TNIP2: variants seen among roughly 807,000 people sequenced by gnomAD.
The protein encoded by TNIP2 is TNFAIP3-interacting protein 2.
TNIP2 carries 30 observed loss-of-function variants against 43.7 expected under a neutral mutation model. The ratio of observed to expected loss-of-function variants is 0.69; its 90% CI spans 0.51 to 0.93. The LOEUF is 0.93. TNIP2 is among the 40% of genes least tolerant of loss of function. The pLI, the probability that TNIP2 is intolerant of heterozygous loss-of-function variation, is 0.00. For synonymous variants in TNIP2, 260 were observed against 254.6 expected (o/e 1.02, Z -0.20); for missense variants, 599 against 591.0 (o/e 1.01, Z -0.14).
chr4:2,747,074 G>A (rs563807472), intron 2 of TNIP2, among the ~76,000 whole-genome samples: 3 of 152,236 alleles, frequency 2.0e-5, no homozygotes, highest in Non-Finnish European at 4.4e-5. Context: ...TGATGAGGAG[G>A]CTGTGGCCCT....
intron 1 of TNIP2, among the ~76,000 whole-genome samples, chr4:2,755,311 A>C (rs1031107125): frequency 3.3e-5 from 5 of 149,508 alleles, no homozygotes; most frequent in East Asian, 2.0e-4. Flanking sequence ...GCATACACAC[A>C]CCCCCCTCGG....
intron 1 of TNIP2, among the ~76,000 whole-genome samples, chr4:2,752,674 CT>C (rs1362804891): frequency 6.6e-6 from 1 of 152,214 alleles, no homozygotes; most frequent in Non-Finnish European, 1.5e-5. Flanking sequence ...GGTGACAAAC[CT>C]CTCCATTCTT....
At position 2,751,023 on chromosome 4, in the gene TNIP2, G is replaced by A. The variant is rs561137454; in HGVS notation, c.277-3078C>T. Among the ~76,000 whole-genome samples the A allele has an allele frequency of 3.9e-5, 6 of 152,298 alleles. No homozygotes were observed. The South Asian group carries it at 8.3e-4, about 21-fold the overall frequency. On this transcript the variant is annotated intron_variant, in intron 1 of 5. Coordinates refer to ENST00000315423, the MANE Select transcript of TNIP2 (RefSeq NM_024309.4). ...AGACAGATCAGGACGCAGGCTCTAC[G>A]CTCAACCCGTGGGGGCAGGCCAGCC... is the stretch of plus-strand genomic sequence containing the variant.
In TNIP2 at chr4:2,742,555, G is replaced by A. The variant is rs776393102; in HGVS notation, c.1027-35C>T. The A allele has an allele frequency of 2.1e-6, 3 of 1,457,796 alleles. No individual in the cohort carries two copies. In the Admixed American group the frequency reaches 7.0e-5, roughly 34 times the overall value. 90.3% of individuals were successfully genotyped at this position (1,457,796 alleles called of 1,614,324 possible). On this transcript the variant is annotated intron_variant, in intron 5 of 5. Transcript: ENST00000315423. Reference sequence around the variant, plus strand: ...AGGCAAGGGTGTATATACGTGGGCTGTGCTGACGGTCACAAAGCCAGGTCT... The same window carrying A: ...AGGCAAGGGTGTATATACGTGGGCTATGCTGACGGTCACAAAGCCAGGTCT...
At chr4:2,755,945 C>A in intron 1 of TNIP2, 69 bp downstream of exon 1, 1 of 1,448,494 alleles carries the variant, frequency 6.9e-7, no homozygotes, top group Non-Finnish European at 9.0e-7. Context: ...GCTCGCTCAC[C>A]CACCCAGGAC....
intron 2 of TNIP2, among the ~76,000 whole-genome samples, chr4:2,746,821 C>A (rs1268246804): frequency 4.6e-5 from 7 of 152,234 alleles, no homozygotes; most frequent in African/African-American, 1.7e-4. Flanking sequence ...CACACACAGA[C>A]CACCACAAGC....
At chr4:2,753,700 A>G (rs1722157281) in intron 1 of TNIP2, among the ~76,000 whole-genome samples, 1 of 152,138 alleles carries the variant, frequency 6.6e-6, no homozygotes, top group Non-Finnish European at 1.5e-5. Context: ...CATTCTGGAG[A>G]TGACTTCGGA....
In TNIP2 at chr4:2,756,114, G is replaced by A; in HGVS notation, c.176C>T (p.Ala59Val). Residue 59 changes from alanine (A) to valine (V), a missense_variant, in exon 1 of 6, where the codon GCC (alanine) becomes GTC (valine). Physicochemically the swap from Ala to Val is moderately conservative, Grantham distance 64 (BLOSUM62 0). Coordinates refer to ENST00000315423, the MANE Select transcript of TNIP2 (RefSeq NM_024309.4). ...CAGCGCGTCCACTAGGGACGGCGCG[G>A]CGTCCCCCTCCAGCGCGGCCAGGCG... ...RARLAALEGD[A>V]APSLVDALLE... is the part of the protein sequence containing the mutation. The A allele has an allele frequency of 6.7e-7, 1 of 1,485,318 alleles. No individual in the cohort carries two copies. Among genetic ancestry groups the A allele is most frequent in the Non-Finnish European group, 8.9e-7 (1 of 1,127,276 alleles). The allele number at this position is 1,485,318 out of a possible 1,614,324, so 92.0% of individuals were successfully genotyped here. A position where few individuals can be genotyped will look rare whatever the true frequency, so the allele number is the denominator to read the frequency against.
chr4:2,744,413 A>G lies in TNIP2; in HGVS notation c.1000T>C (p.Leu334=). The change falls in exon 5 of 6, where the codon TTG becomes CTG. Residue 334 remains leucine, a synonymous_variant. Coordinates refer to ENST00000315423, the MANE Select transcript of TNIP2 (RefSeq NM_024309.4). The surrounding 1 kb of genome is among the most constrained non-coding windows in gnomAD (Gnocchi z 5.1). The part of the protein sequence containing the change: ...IQELEEKVAS[L]LHQVSWRQDS... ...TGTCTCCAGGACACCTGGTGCAGCA[A>G]AGAGGCGACCTTTTCCTCCAGTTCT... 1 of 1,614,230 alleles carries G rather than the reference A, an allele frequency of 6.2e-7. No individual in the cohort carries two copies. Among genetic ancestry groups the G allele is most frequent in the Non-Finnish European group, 8.5e-7 (1 of 1,180,028 alleles).
rs1257141479 is a variant in TNIP2, at chr4:2,741,786, G to T, written c.*471C>A. On this transcript the variant is annotated 3_prime_UTR_variant, in exon 6 of 6. Transcript: ENST00000315423. Reference sequence around the variant, plus strand: ...CAGTGCAGACATGTGGCTCGCAATGGCGGGGGTGGCCACCCTAGTGTGACG... The same window carrying T: ...CAGTGCAGACATGTGGCTCGCAATGTCGGGGGTGGCCACCCTAGTGTGACG... The T allele has an allele frequency of 6.4e-6, 1 of 156,570 alleles. No individual in the cohort carries two copies. Among genetic ancestry groups the T allele is most frequent in the Non-Finnish European group, 1.4e-5 (1 of 71,202 alleles). The allele number at this position is 156,570 out of a possible 1,614,324, so 9.7% of individuals were successfully genotyped here.
chr4:2,750,573 C>T (rs1722076350), intron 1 of TNIP2, among the ~76,000 whole-genome samples: 1 of 151,936 alleles, frequency 6.6e-6, no homozygotes, highest in Non-Finnish European at 1.5e-5. Flanking sequence ...ACCATGGGCT[C>T]GAGGTCAAGG....
chr4:2,756,004 G>C lies in TNIP2; in HGVS notation c.276+10C>G, dbSNP rs951807187. On this transcript the variant is annotated intron_variant, in intron 1 of 5. Coordinates refer to ENST00000315423, the MANE Select transcript of TNIP2 (RefSeq NM_024309.4). ...CGCTCCCGCAGCTCCTCTGGTACCC[G>C]CCCTCGTACCTGGCGCATCTGGGCC... is the stretch of plus-strand genomic sequence containing the variant. 2 of 1,540,066 alleles carry C rather than the reference G, an allele frequency of 1.3e-6. No individual in the cohort carries two copies. Among genetic ancestry groups the C allele is most frequent in the African/African-American group, 2.9e-5 (2 of 69,880 alleles).
At position 2,742,514 on chromosome 4, in the gene TNIP2, G is replaced by A. The variant is rs149033983; in HGVS notation, c.1033C>T (p.Arg345Ter). Residue 345 changes from arginine to a stop codon, truncating the protein, a stop_gained, in exon 6 of 6, where the codon CGA becomes TGA. Transcript: ENST00000315423. LOFTEE classifies it low-confidence loss of function (END_TRUNC). ...LHQVSWRQDS[R>*]EPDAGRIHAG... ...TGAATCCGGCCGGCGTCTGGCTCTCGAGAATCCTGGAGAAAAGGCAAGGGT... is the reference window on the plus strand; with the variant it reads ...TGAATCCGGCCGGCGTCTGGCTCTCAAGAATCCTGGAGAAAAGGCAAGGGT... 9 of 1,579,614 alleles carry A rather than the reference G, an allele frequency of 5.7e-6. No individual in the cohort carries two copies. Among genetic ancestry groups the A allele is most frequent in the African/African-American group, 4.1e-5 (3 of 73,960 alleles).
At position 2,744,392 on chromosome 4, in the gene TNIP2, T is replaced by C; in HGVS notation, c.1021A>G (p.Arg341Gly). 6.2e-7 allele frequency: 1 copy of C among 1,614,212 alleles called. No homozygotes were observed. Among genetic ancestry groups the C allele is most frequent in the Non-Finnish European group, 8.5e-7 (1 of 1,180,030 alleles). Residue 341 changes from arginine to glycine, a missense_variant, in exon 5 of 6, where the codon AGA becomes GGA. Physicochemically the swap from Arg to Gly is moderately radical, Grantham distance 125 (BLOSUM62 -2). Coordinates refer to ENST00000315423, the MANE Select transcript of TNIP2 (RefSeq NM_024309.4). This position sits in a 1 kb window ranked among gnomAD's most constrained non-coding sequence, Gnocchi z 5.1. Reference protein sequence around the residue: ...VASLLHQVSWRQDSREPDAGR... With the variant: ...VASLLHQVSWGQDSREPDAGR... Reference sequence around the variant, plus strand: ...AAAACGCCCTCATACTCTACCTGTCTCCAGGACACCTGGTGCAGCAAAGAG... The same window carrying C: ...AAAACGCCCTCATACTCTACCTGTCCCCAGGACACCTGGTGCAGCAAAGAG...
Position 2,744,333 on chromosome 4 carries a change from AG to A in TNIP2, c.1026+53del. Reference sequence around the variant, plus strand: ...ACAGAAAGGCTCTAATCTCATGAGAAGAGAAACAAAAACACTAAACCTAAGC... The same window carrying A: ...ACAGAAAGGCTCTAATCTCATGAGAAAGAAACAAAAACACTAAACCTAAGC... On this transcript the variant is annotated intron_variant, in intron 5 of 5. Coordinates refer to ENST00000315423, the MANE Select transcript of TNIP2 (RefSeq NM_024309.4). The surrounding 1 kb of genome is among the most constrained non-coding windows in gnomAD (Gnocchi z 5.1). The A allele has an allele frequency of 6.2e-7, 1 of 1,609,810 alleles. No individual in the cohort carries two copies. Among genetic ancestry groups the A allele is most frequent in the Non-Finnish European group, 8.5e-7 (1 of 1,177,136 alleles).
At chr4:2,747,391 G>A in intron 2 of TNIP2, 1 of 441,922 alleles carries the variant, frequency 2.3e-6, no homozygotes, top group Non-Finnish European at 4.1e-6. Flanking sequence ...AAAGCCAAGT[G>A]CCATCTCCCA....
intron 1 of TNIP2, among the ~76,000 whole-genome samples, chr4:2,755,601 C>T (rs1209572631): frequency 6.8e-6 from 1 of 147,294 alleles, no homozygotes; most frequent in Non-Finnish European, 1.5e-5. Flanking sequence ...CACCTCAGCC[C>T]GTGGTGTCCC....
At chr4:2,747,113 C>T (rs1257169412) in intron 2 of TNIP2, among the ~76,000 whole-genome samples, 2 of 152,238 alleles carry the variant, frequency 1.3e-5, no homozygotes, top group South Asian at 2.1e-4. Context: ...TGCGGGAGGC[C>T]GTGCTGCTGG....
In TNIP2 at chr4:2,742,608, C is replaced by CCTATCCCTGAGCGGAACTTCAG. The variant is rs1721826221; in HGVS notation, c.1027-110_1027-89dup. ...GGTTCCAGCAACCAGAGGCACTTCA[C>CCTATCCCTGAGCGGAACTTCAG]CTATCCCTGAGCGGAACTTCAGCCC... On this transcript the variant is annotated intron_variant, in intron 5 of 5. Transcript: ENST00000315423. The CCTATCCCTGAGCGGAACTTCAG allele has an allele frequency of 3.6e-6, 5 of 1,382,834 alleles. No individual in the cohort carries two copies. In the Admixed American group the frequency reaches 1.3e-4, roughly 35 times the overall value. 85.7% of individuals were successfully genotyped at this position (1,382,834 alleles called of 1,614,324 possible).
Sources: gnomAD v4.1 joint callset for allele counts (sites outside exome capture counted in the v4.1 genomes callset) on GRCh38, gnomAD v4.1.1 for gene constraint, Gnocchi (gnomAD v3.1) non-coding constraint, MANE v1.5 for transcripts, NCBI Gene and HGNC (gene_info 2026-07-23, HGNC 2026-07-21) for gene names.